FKBP5: variants seen among roughly 807,000 people sequenced by gnomAD.
FKBP5 encodes peptidyl-prolyl cis-trans isomerase FKBP5.
FKBP5 carries 23 observed loss-of-function variants against 50.5 expected under a neutral mutation model. The ratio of observed to expected loss-of-function variants is 0.46; its 90% CI spans 0.33 to 0.65. The LOEUF is 0.65. FKBP5 is among the 30% of genes least tolerant of loss of function. The pLI is 0.02. For missense variants in FKBP5, 411 were observed against 553.1 expected (o/e 0.74, Z 2.58); for synonymous variants, 176 against 190.6 (o/e 0.92, Z 0.63).
chr6:35,583,641 T>C (rs1031509890), intron 8 of FKBP5: 4 of 916,018 alleles, frequency 4.4e-6, no homozygotes, highest in Non-Finnish European at 5.2e-6. Flanking sequence ...CTGGGTAGGA[T>C]GCTACTGGCA....
chr6:35,583,815 T>C, intron 8 of FKBP5: 4 of 985,456 alleles, frequency 4.1e-6, no homozygotes, highest in Non-Finnish European at 4.8e-6. Context: ...CTTAGGAATT[T>C]TTTTTAAAAC....
intron 6 of FKBP5, among the ~76,000 whole-genome samples, chr6:35,592,069 A>C (rs1229974336): frequency 6.6e-6 from 1 of 152,240 alleles, no homozygotes; most frequent in Non-Finnish European, 1.5e-5. Flanking sequence ...CCTGTTTCCC[A>C]GTGTTTGTTT....
chr6:35,596,172 T>C (rs896408164), intron 6 of FKBP5, among the ~76,000 whole-genome samples: 2 of 152,054 alleles, frequency 1.3e-5, no homozygotes, highest in Admixed American at 1.3e-4. Flanking sequence ...CTGGCCAAAA[T>C]GGTGAAACCT....
intron 1 of FKBP5, among the ~76,000 whole-genome samples, chr6:35,726,481 T>A (rs750171939): frequency 6.6e-6 from 1 of 151,496 alleles, no homozygotes; most frequent in Non-Finnish European, 1.5e-5. Flanking sequence ...GGAGGTTGTT[T>A]TGTGGTGATG....
At chr6:35,666,924 T>C (rs1460476411) in intron 1 of FKBP5, among the ~76,000 whole-genome samples, 1 of 151,786 alleles carries the variant, frequency 6.6e-6, no homozygotes, top group Non-Finnish European at 1.5e-5. Flanking sequence ...AGAAAATACC[T>C]AGAAAAAATA....
chr6:35,701,227 GTTTTTGT>G (rs1387722912), intron 2 of FKBP5, among the ~76,000 whole-genome samples: 2 of 80,614 alleles, frequency 2.5e-5, no homozygotes, highest in African/African-American at 1.1e-4. Context: ...TTGTTTGTTT[GTTTTTGT>G]TTTTTGTTTT....
At chr6:35,584,267 G>A (rs1195042854) in intron 8 of FKBP5, 1 of 985,322 alleles carries the variant, frequency 1.0e-6, no homozygotes, top group Non-Finnish European at 1.2e-6. Flanking sequence ...AGGTTGAAAT[G>A]AGGACTTTAC....
intron 2 of FKBP5, among the ~76,000 whole-genome samples, chr6:35,707,513 G>A (rs753867404): frequency 6.6e-6 from 1 of 152,082 alleles, no homozygotes; most frequent in Non-Finnish European, 1.5e-5. Flanking sequence ...GAGCCACCGC[G>A]CCCGGCCATG....
In FKBP5 at chr6:35,684,732, G is replaced by A. The variant is rs187536669; in HGVS notation, c.-20+4072C>T. 2.3e-3 allele frequency among the ~76,000 whole-genome samples: 357 copies of A among 152,196 alleles called. 1 individual carries two copies. The highest frequency in any genetic ancestry group is 3.8e-3 in the Non-Finnish European group (260 of 68,006). ...CTTTCATTAACCAAATGTTTTCCAA[G>A]AGGCTATAAGTCGGCCTGGCACTGT... On this transcript the variant is annotated intron_variant, in intron 1 of 10. Coordinates refer to ENST00000357266, the MANE Select transcript of FKBP5 (RefSeq NM_004117.4).
chr6:35,604,175 TTTG>T (rs142034866), intron 5 of FKBP5, among the ~76,000 whole-genome samples: 12,510 of 151,044 alleles, frequency 0.083, 1,111 homozygotes, highest in African/African-American at 0.23. Context: ...GCCTGGCTAT[TTTG>T]TTGTTGTTGT....
At position 35,674,618 on chromosome 6, in the gene FKBP5, C is replaced by T. The variant is rs556502668; in HGVS notation, c.-20+14186G>A. 3.3e-5 allele frequency among the ~76,000 whole-genome samples: 5 copies of T among 152,340 alleles called. No homozygotes were observed. In the East Asian group the frequency reaches 9.6e-4, roughly 29 times the overall value. Reference sequence around the variant, plus strand: ...AACTTATTAATAATAATTTATCAAGCTCTAACAATGTTTGCGGAACCATTC... The same window carrying T: ...AACTTATTAATAATAATTTATCAAGTTCTAACAATGTTTGCGGAACCATTC... On this transcript the variant is annotated intron_variant, in intron 1 of 10. Coordinates refer to ENST00000357266, the MANE Select transcript of FKBP5 (RefSeq NM_004117.4).
chr6:35,575,613 TTC>T lies in FKBP5; in HGVS notation c.*220_*221del. ...CTCACTCCCTCCACACCACAGTCAT[TTC>T]TGTTTGTTCCACCTGGAGTGGTCCC... On this transcript the variant is annotated 3_prime_UTR_variant, in exon 11 of 11. Coordinates refer to ENST00000357266, the MANE Select transcript of FKBP5 (RefSeq NM_004117.4). 1 of 526,910 alleles carries T rather than the reference TTC, an allele frequency of 1.9e-6. No individual in the cohort carries two copies. Among genetic ancestry groups the T allele is most frequent in the Non-Finnish European group, 3.4e-6 (1 of 291,134 alleles). The allele number at this position is 526,910 out of a possible 1,614,324, so 32.6% of individuals were successfully genotyped here. A position where few individuals can be genotyped will look rare whatever the true frequency, so the allele number is the denominator to read the frequency against.
At chr6:35,713,256 TG>T (rs1213352556) in intron 2 of FKBP5, among the ~76,000 whole-genome samples, 6 of 151,814 alleles carry the variant, frequency 4.0e-5, no homozygotes, top group Non-Finnish European at 8.8e-5. Context: ...CCACACTTGT[TG>T]GGGGAACCTT....
At chr6:35,659,714 G>A (rs1765042359) in intron 1 of FKBP5, among the ~76,000 whole-genome samples, 1 of 84,696 alleles carries the variant, frequency 1.2e-5, no homozygotes, top group Admixed American at 1.2e-4. Context: ...TATAGAATCT[G>A]AGCTTTGTTA....
intron 7 of FKBP5, among the ~76,000 whole-genome samples, chr6:35,590,134 C>T (rs1762767930): frequency 6.6e-6 from 1 of 152,022 alleles, no homozygotes; most frequent in African/African-American, 2.4e-5. Flanking sequence ...CCCATGTCTA[C>T]AAAAAATAAA....
chr6:35,639,561 A>T (rs1764418749), intron 2 of FKBP5, among the ~76,000 whole-genome samples: 1 of 152,212 alleles, frequency 6.6e-6, no homozygotes, highest in African/African-American at 2.4e-5. Flanking sequence ...GGAGATGCTG[A>T]GGACAGCCTG....
intron 8 of FKBP5, chr6:35,583,844 A>G (rs1762519503): frequency 1.2e-5 from 12 of 985,452 alleles, no homozygotes; most frequent in Non-Finnish European, 1.3e-5. Context: ...CTAGAGTCAT[A>G]AACGGCTTGT....
chr6:35,633,319 G>C (rs1267194058), intron 3 of FKBP5, among the ~76,000 whole-genome samples: 6 of 152,096 alleles, frequency 3.9e-5, no homozygotes, highest in African/African-American at 1.4e-4. Context: ...AAGGCAGGCG[G>C]ATCACCTGAG....
Position 35,620,103 on chromosome 6 carries a change from T to C in FKBP5, c.393+29A>G, listed in dbSNP as rs181619043. On this transcript the variant is annotated intron_variant, in intron 4 of 10. Transcript: ENST00000357266. ...GCCATTCCTATTGTAGAGCAGATGC[T>C]GACAAGGCAACATCACACACATACT... 8 of 1,613,882 alleles carry C rather than the reference T, an allele frequency of 5.0e-6. No homozygotes were observed. The African/African-American group carries it at 6.7e-5, about 13-fold the overall frequency.
Sources: gnomAD v4.1 joint callset for allele counts (sites outside exome capture counted in the v4.1 genomes callset) on GRCh38, gnomAD v4.1.1 for gene constraint, MANE v1.5 for transcripts, NCBI Gene and HGNC (gene_info 2026-07-23, HGNC 2026-07-21) for gene names.